ARHGAP10: variants seen among roughly 807,000 people sequenced by gnomAD.
ARHGAP10 encodes Rho GTPase activating protein 10.
ARHGAP10 carries 87 observed loss-of-function variants against 108.6 expected under a neutral mutation model. The ratio of observed to expected loss-of-function variants is 0.80; its 90% CI spans 0.67 to 0.96. The LOEUF (loss-of-function observed/expected upper bound fraction) is 0.96. Ranked by LOEUF, ARHGAP10 falls within the 40% of genes least tolerant of loss-of-function variation. The pLI is 0.00. For missense variants in ARHGAP10, 939 were observed against 954.5 expected, an observed-to-expected ratio of 0.98 and a Z score of 0.21; for synonymous variants, 347 against 341.1, an observed-to-expected ratio of 1.02 and a Z score of -0.19.
At chr4:147,739,902 A>C (rs1372472520) in intron 1 of ARHGAP10, among the ~76,000 whole-genome samples, 1 of 150,708 alleles carries the variant, frequency 6.6e-6, no homozygotes, top group Non-Finnish European at 1.5e-5. Flanking sequence ...CACCCGGCTA[A>C]TTTTTGTATT....
chr4:147,942,790 A>C (rs1445403474), intron 14 of ARHGAP10, among the ~76,000 whole-genome samples: 1 of 152,214 alleles, frequency 6.6e-6, no homozygotes, highest in East Asian at 1.9e-4. Flanking sequence ...GGGTATTCTT[A>C]GTTGTCTTCC....
chr4:148,007,947 A>T (rs955475368), intron 18 of ARHGAP10, among the ~76,000 whole-genome samples: 1 of 152,160 alleles, frequency 6.6e-6, no homozygotes, highest in Non-Finnish European at 1.5e-5. Flanking sequence ...CAGAACTGAA[A>T]TGTAATGCCC....
At chr4:147,756,456 G>C (rs986846590) in intron 1 of ARHGAP10, among the ~76,000 whole-genome samples, 1 of 152,234 alleles carries the variant, frequency 6.6e-6, no homozygotes, top group African/African-American at 2.4e-5. Context: ...GATGAGCACT[G>C]TTAGTATGAA....
chr4:147,983,503 C>CTTTTT (rs577734640), intron 18 of ARHGAP10, among the ~76,000 whole-genome samples: 9 of 142,354 alleles, frequency 6.3e-5, no homozygotes, highest in African/African-American at 2.3e-4. Flanking sequence ...TTTTAAAATT[C>CTTTTT]TTTTTTTTTT....
In ARHGAP10 at chr4:147,793,158, G is replaced by T. The variant is rs185929788; in HGVS notation, c.155-29569G>T. Among the ~76,000 whole-genome samples, 1,079 of 151,560 alleles carry T rather than the reference G, an allele frequency of 7.1e-3. 43 individuals carry two copies. The East Asian group carries it at 0.12, about 17-fold the overall frequency. The stretch of plus-strand genomic sequence containing the variant: ...CTCTGGAAAAAAAGAAAATGTGTGT[G>T]TATGTATGTGTGTGTGTGTGTGCAT... On this transcript the variant is annotated intron_variant, in intron 1 of 22. Coordinates refer to ENST00000336498, the MANE Select transcript of ARHGAP10 (RefSeq NM_024605.4).
chr4:147,978,529 T>A (rs1214020863), intron 18 of ARHGAP10, among the ~76,000 whole-genome samples: 3 of 152,102 alleles, frequency 2.0e-5, no homozygotes, highest in South Asian at 2.1e-4. Context: ...TTTTCTCAGA[T>A]CTGATGGTTT....
chr4:147,741,401 C>G (rs1728651571), intron 1 of ARHGAP10, among the ~76,000 whole-genome samples: 1 of 152,062 alleles, frequency 6.6e-6, no homozygotes, highest in Non-Finnish European at 1.5e-5. Context: ...TGGTTTGAGT[C>G]AGAAACAAAA....
chr4:147,868,626 C>CT (rs1049436491), intron 7 of ARHGAP10, among the ~76,000 whole-genome samples: 16 of 152,122 alleles, frequency 1.1e-4, no homozygotes, highest in Non-Finnish European at 1.8e-4. Flanking sequence ...GGTCCCCAAC[C>CT]TTTTTGGCAC....
intron 1 of ARHGAP10, among the ~76,000 whole-genome samples, chr4:147,809,717 T>C (rs891194835): frequency 1.3e-5 from 2 of 152,118 alleles, no homozygotes; most frequent in Admixed American, 6.5e-5. Context: ...TTTCCATGGA[T>C]TGGGTTGGGG....
intron 20 of ARHGAP10, among the ~76,000 whole-genome samples, chr4:148,059,431 T>G (rs2149687660): frequency 6.6e-6 from 1 of 152,204 alleles, no homozygotes; most frequent in South Asian, 2.1e-4. Flanking sequence ...TAATCAAAAA[T>G]CCGTAGTTAA....
intron 1 of ARHGAP10, among the ~76,000 whole-genome samples, chr4:147,768,577 A>G (rs1385844361): frequency 6.6e-6 from 1 of 152,078 alleles, no homozygotes; most frequent in East Asian, 1.9e-4. Context: ...AGAGACTTGA[A>G]CATAATGAAA....
intron 16 of ARHGAP10, among the ~76,000 whole-genome samples, chr4:147,964,083 C>T (rs1206645789): frequency 6.6e-6 from 1 of 152,164 alleles, no homozygotes; most frequent in African/African-American, 2.4e-5. Context: ...AACTGCCCCT[C>T]CCAGGGCTGG....
chr4:147,775,889 T>C (rs993136089), intron 1 of ARHGAP10, among the ~76,000 whole-genome samples: 1 of 152,140 alleles, frequency 6.6e-6, no homozygotes, highest in African/African-American at 2.4e-5. Context: ...AGATATAATG[T>C]ATGTTATTTG....
chr4:147,756,351 A>G (rs1454968105), intron 1 of ARHGAP10, among the ~76,000 whole-genome samples: 1 of 152,136 alleles, frequency 6.6e-6, no homozygotes, highest in Non-Finnish European at 1.5e-5. Flanking sequence ...GCTGTTGAAT[A>G]AACCATTTCT....
intron 13 of ARHGAP10, among the ~76,000 whole-genome samples, chr4:147,923,741 G>A (rs1737340323): frequency 1.3e-5 from 2 of 152,202 alleles, no homozygotes; most frequent in Non-Finnish European, 2.9e-5. Flanking sequence ...CTTACCGCTT[G>A]AAGATTGCTT....
At chr4:148,013,708 C>G in intron 18 of ARHGAP10, among the ~76,000 whole-genome samples, 1 of 152,036 alleles carries the variant, frequency 6.6e-6, no homozygotes, top group Non-Finnish European at 1.5e-5. Context: ...AAAAGTTACT[C>G]TAGCCTACCC....
intron 15 of ARHGAP10, among the ~76,000 whole-genome samples, chr4:147,951,374 T>G (rs1050949877): frequency 1.3e-5 from 2 of 150,630 alleles, no homozygotes; most frequent in Non-Finnish European, 2.9e-5. Context: ...TGGCCCTTCT[T>G]TCTCCTTATT....
intron 1 of ARHGAP10, among the ~76,000 whole-genome samples, chr4:147,818,449 C>G (rs1199067136): frequency 6.6e-6 from 1 of 151,706 alleles, no homozygotes; most frequent in Non-Finnish European, 1.5e-5. Context: ...GCCTGTAATT[C>G]CAGCCACTTG....
intron 3 of ARHGAP10, among the ~76,000 whole-genome samples, 157 bp downstream of exon 3, chr4:147,823,114 G>C (rs1271151546): frequency 1.3e-5 from 2 of 152,190 alleles, no homozygotes; most frequent in Non-Finnish European, 2.9e-5. Context: ...CTGATTTCTA[G>C]TTCCTTGAGG....
Sources: allele counts gnomAD v4.1 joint callset (sites outside exome capture counted in the v4.1 genomes callset), GRCh38; gene constraint gnomAD v4.1.1; transcripts MANE v1.5; gene names NCBI Gene and HGNC (gene_info 2026-07-23, HGNC 2026-07-21).